GPR155: variants seen among roughly 807,000 people sequenced by gnomAD.
GPR155 encodes G protein-coupled receptor 155, also known as lysosomal cholesterol signaling protein.
GPR155 carries 65 observed loss-of-function variants against 93.1 expected under a neutral mutation model. That is an observed-to-expected ratio of 0.70 (90% CI 0.57 to 0.86). The LOEUF (loss-of-function observed/expected upper bound fraction) is 0.86, where lower values mean the gene tolerates loss of function less well. Among genes scored for constraint, GPR155 ranks in the 40% least tolerant of loss-of-function variants. The pLI is 0.00. For missense variants in GPR155, 838 were observed against 1,034.8 expected, an observed-to-expected ratio of 0.81 and a Z score of 2.61; for synonymous variants, 319 against 360.1, an observed-to-expected ratio of 0.89 and a Z score of 1.29.
chr2:174,437,442 A>G (rs1038563237), intron 15 of GPR155, among the ~76,000 whole-genome samples: 1 of 152,240 alleles, frequency 6.6e-6, no homozygotes, highest in African/African-American at 2.4e-5. Context: ...TTTTAACATC[A>G]GTATTTCATT....
intron 1 of GPR155, among the ~76,000 whole-genome samples, chr2:174,485,679 G>A (rs1380042684): frequency 1.3e-5 from 2 of 151,402 alleles, no homozygotes; most frequent in Non-Finnish European, 2.9e-5. Context: ...AGAAATACCT[G>A]CTGAGGTAAA....
chr2:174,481,793 C>T lies in GPR155; in HGVS notation c.164G>A (p.Cys55Tyr), dbSNP rs1397837253. Residue 55 changes from cysteine to tyrosine, a missense_variant, in exon 2 of 16, where the codon TGT becomes TAT. By Grantham distance (194) the Cys-to-Tyr change is radical. Around this residue, in one of 3 missense-constraint regions of GPR155, gnomAD observed 663 missense variants for 790.1 expected, o/e 0.84. Coordinates refer to ENST00000392552, the MANE Select transcript of GPR155 (RefSeq NM_152529.7). ...ALLECFGIVL[C>Y]GYIAGRANVI... ...ATTGGCCCTTCCTGCTATGTAGCCA[C>T]AAAGGACAATGCCAAAGCATTCCAG... 1.2e-6 allele frequency: 2 copies of T among 1,614,220 alleles called. No individual in the cohort carries two copies. The highest frequency in any genetic ancestry group is 1.7e-6 in the Non-Finnish European group (2 of 1,180,040).
chr2:174,454,818 GA>G (rs1393959169), intron 10 of GPR155, among the ~76,000 whole-genome samples: 11 of 149,768 alleles, frequency 7.3e-5, no homozygotes, highest in African/African-American at 2.2e-4. Flanking sequence ...GGAAGGAAGG[GA>G]AAGGAAGGAA....
intron 2 of GPR155, among the ~76,000 whole-genome samples, chr2:174,473,922 G>GA (rs2105729913): frequency 6.6e-6 from 1 of 152,302 alleles, no homozygotes; most frequent in East Asian, 1.9e-4. Context: ...GGGACAGTTG[G>GA]AAGTGCGGGA....
intron 5 of GPR155, among the ~76,000 whole-genome samples, chr2:174,466,999 A>C (rs1687855499): frequency 6.6e-6 from 1 of 151,324 alleles, no homozygotes; most frequent in South Asian, 2.1e-4. Flanking sequence ...TCTACTAAAA[A>C]TACAAAAATT....
chr2:174,475,835 T>C (rs1015146535), intron 2 of GPR155, among the ~76,000 whole-genome samples: 2 of 152,208 alleles, frequency 1.3e-5, no homozygotes, highest in South Asian at 2.1e-4. Context: ...AAAAGTCTTA[T>C]GTTTTCATCT....
chr2:174,464,959 T>A (rs1017106509), intron 7 of GPR155, among the ~76,000 whole-genome samples: 3 of 152,288 alleles, frequency 2.0e-5, no homozygotes, highest in Non-Finnish European at 4.4e-5. Context: ...GACACCTGCC[T>A]CCTACCATTC....
At position 174,473,231 on chromosome 2, in the gene GPR155, A is replaced by G. The variant is rs546036161; in HGVS notation, c.594T>C (p.Asn198=). 6.2e-7 allele frequency: 1 copy of G among 1,613,948 alleles called. No homozygotes were observed. The highest frequency in any genetic ancestry group is 2.2e-5 in the East Asian group (1 of 44,862). Residue 198 remains asparagine (N), a synonymous_variant, in exon 3 of 16, where the codon AAT becomes AAC. Coordinates refer to ENST00000392552, the MANE Select transcript of GPR155 (RefSeq NM_152529.7). ...CAATTTTTATTTTATTTTGAGAAGC[A>G]TTTTGAGTGTCTTTCCACTTTTGGA... ...CEIQKWKDTQ[N]ASQNKIKIVG... is the part of the protein sequence containing the mutation.
At chr2:174,466,927 C>T (rs1158835503) in intron 5 of GPR155, among the ~76,000 whole-genome samples, 1 of 152,144 alleles carries the variant, frequency 6.6e-6, no homozygotes, top group East Asian at 1.9e-4. Flanking sequence ...GAGGCCAAGG[C>T]AGGTGGATCA....
chr2:174,438,969 A>T (rs1686873258), intron 15 of GPR155, among the ~76,000 whole-genome samples: 1 of 152,178 alleles, frequency 6.6e-6, no homozygotes, highest in South Asian at 2.1e-4. Flanking sequence ...AATCCCAAGA[A>T]TTCGATATTT....
At chr2:174,451,934 C>T (rs1687333323) in intron 11 of GPR155, among the ~76,000 whole-genome samples, 1 of 152,134 alleles carries the variant, frequency 6.6e-6, no homozygotes, top group South Asian at 2.1e-4. Flanking sequence ...CAGGAGTGAG[C>T]CACCACGCTC....
intron 7 of GPR155, among the ~76,000 whole-genome samples, chr2:174,461,968 C>T (rs1687709898): frequency 6.6e-6 from 1 of 152,160 alleles, no homozygotes. Flanking sequence ...TAGGGTCTCA[C>T]TCTGTTGCCC....
At chr2:174,451,525 T>C (rs1448228800) in intron 11 of GPR155, among the ~76,000 whole-genome samples, 1 of 152,200 alleles carries the variant, frequency 6.6e-6, no homozygotes, top group East Asian at 1.9e-4. Flanking sequence ...GGCTTTATTT[T>C]AGGCTTAGGG....
At chr2:174,459,791 G>A in intron 10 of GPR155, 87 bp downstream of exon 10, 1 of 936,790 alleles carries the variant, frequency 1.1e-6, no homozygotes, top group Admixed American at 2.1e-5. Context: ...GTTGCAGTGA[G>A]CTGAGATCAT....
At chr2:174,486,313 G>A (rs1688478222) in intron 1 of GPR155, among the ~76,000 whole-genome samples, 1 of 152,096 alleles carries the variant, frequency 6.6e-6, no homozygotes, top group African/African-American at 2.4e-5. Context: ...TAACCGAATA[G>A]GCTGCTCGGA....
At chr2:174,460,154 A>ATTTTTTTTTTTTTTTTTTTTTTTTTT (rs11385015) in intron 9 of GPR155, 66 bp from the exon 10 acceptor site, 1 of 337,038 alleles carries the variant, frequency 3.0e-6, no homozygotes, top group Admixed American at 6.9e-5. Flanking sequence ...CTTAGGGCAC[A>ATTTTTTTTTTTTTTTTTTTTTTTTTT]TTTTTTTTTT....
intron 1 of GPR155, among the ~76,000 whole-genome samples, chr2:174,486,665 C>T (rs1188450527): frequency 6.6e-6 from 1 of 152,176 alleles, no homozygotes; most frequent in Admixed American, 6.5e-5. Flanking sequence ...CCCTCCCCCG[C>T]GCGAGCCTTC....
chr2:174,443,244 C>T (rs1300419301), intron 13 of GPR155, among the ~76,000 whole-genome samples: 1 of 151,988 alleles, frequency 6.6e-6, no homozygotes, highest in Non-Finnish European at 1.5e-5. Flanking sequence ...TTTTTGCTCC[C>T]ATCATAATGG....
intron 10 of GPR155, among the ~76,000 whole-genome samples, chr2:174,454,856 G>A (rs966498256): frequency 6.6e-6 from 1 of 150,872 alleles, no homozygotes; most frequent in Non-Finnish European, 1.5e-5. Flanking sequence ...GGAAGGAAGG[G>A]AAGGAAGGGA....
Sources: gnomAD v4.1 joint callset for allele counts (sites outside exome capture counted in the v4.1 genomes callset) on GRCh38, gnomAD v4.1.1 for gene constraint, gnomAD v4.1.1 regional missense constraint, MANE v1.5 for transcripts, NCBI Gene and HGNC (gene_info 2026-07-23, HGNC 2026-07-21) for gene names.